Variants in RXYLT1 observed in about 807,000 individuals in gnomAD.
RXYLT1 encodes ribitol xylosyltransferase 1.
Under a neutral mutation model 43.5 loss-of-function variants are expected in RXYLT1, and 41 were observed. The ratio of observed to expected loss-of-function variants is 0.94; its 90% CI spans 0.73 to 1.22. RXYLT1 has a LOEUF of 1.22. RXYLT1 is among the 50% of genes most tolerant of loss of function. RXYLT1 has a pLI of 0.00. For synonymous variants in RXYLT1, 166 were observed against 194.4 expected (o/e 0.85, Z 1.21); for missense variants, 514 against 532.0 (o/e 0.97, Z 0.33).
intron 3 of RXYLT1, among the ~76,000 whole-genome samples, chr12:63,797,911 AG>A (rs1167841154): frequency 1.3e-5 from 2 of 152,174 alleles, no homozygotes; most frequent in Admixed American, 1.3e-4. Context: ...GTCGGAATTT[AG>A]GGATTAATTA....
chr12:63,807,253 A>G (rs1369631227), intron 5 of RXYLT1: 1 of 152,220 alleles, frequency 6.6e-6, no homozygotes, highest in Non-Finnish European at 1.5e-5. Flanking sequence ...ATAATTGCCT[A>G]TACCTTCAGC....
intron 4 of RXYLT1, 68 bp downstream of exon 4, chr12:63,802,473 T>C (rs1898185700): frequency 7.1e-7 from 1 of 1,416,496 alleles, no homozygotes; most frequent in Non-Finnish European, 9.5e-7. Context: ...GGAAGACTTA[T>C]TCAAAATTGT....
intron 4 of RXYLT1, 87 bp downstream of exon 4, chr12:63,802,492 T>C: frequency 7.5e-7 from 1 of 1,334,924 alleles, no homozygotes; most frequent in Non-Finnish European, 1.0e-6. Context: ...GTAATAAATT[T>C]AGTTCTTCTG....
rs1244738608 is a variant in RXYLT1, at chr12:63,809,391, T to C, written c.*299T>C. 8.1e-6 allele frequency: 2 copies of C among 245,708 alleles called. No homozygotes were observed. Among genetic ancestry groups the C allele is most frequent in the Non-Finnish European group, 1.6e-5 (2 of 128,922 alleles). 15.2% of individuals were successfully genotyped at this position (245,708 alleles called of 1,614,324 possible). ...GGTGATACTGGTGTAAACAAATCTA[T>C]TGCACTGCCAGTCAAGTAAAAGTAC... On this transcript the variant is annotated 3_prime_UTR_variant, in exon 6 of 6. Coordinates refer to ENST00000261234, the MANE Select transcript of RXYLT1 (RefSeq NM_014254.3).
intron 5 of RXYLT1, 110 bp downstream of exon 5, chr12:63,805,514 C>A: frequency 9.3e-7 from 1 of 1,072,506 alleles, no homozygotes; most frequent in Non-Finnish European, 1.3e-6. Context: ...TTGTACCAAT[C>A]TTTCCCCAGA....
At chr12:63,780,234 C>T (rs1897646562) in intron 1 of RXYLT1, 105 bp downstream of exon 1, 15 of 1,386,900 alleles carry the variant, frequency 1.1e-5, no homozygotes, top group Non-Finnish European at 1.4e-5. Flanking sequence ...CGGGATTACC[C>T]GCAGGGCCTG....
intron 3 of RXYLT1, chr12:63,795,644 C>T (rs1898015881): frequency 6.6e-6 from 1 of 151,430 alleles, no homozygotes; most frequent in African/African-American, 2.4e-5. Context: ...AACACCTTTC[C>T]TTAATGAGAG....
At chr12:63,788,194 A>G (rs1207121982) in intron 3 of RXYLT1, among the ~76,000 whole-genome samples, 1 of 152,078 alleles carries the variant, frequency 6.6e-6, no homozygotes, top group Admixed American at 6.6e-5. Context: ...GCTTTTTTCC[A>G]TTTATAGGGC....
At position 63,784,983 on chromosome 12, in the gene RXYLT1, G is replaced by C; in HGVS notation, c.339G>C (p.Trp113Cys). The C allele has an allele frequency of 6.2e-7, 1 of 1,613,668 alleles. No homozygotes were observed. The highest frequency in any genetic ancestry group is 8.5e-7 in the Non-Finnish European group (1 of 1,179,702). Residue 113 changes from tryptophan (W) to cysteine (C), a missense_variant, in exon 3 of 6, where the codon TGG becomes TGC. Coordinates refer to ENST00000261234, the MANE Select transcript of RXYLT1 (RefSeq NM_014254.3). ...GTTAATTACCAGGCTTGTATCTCTG[G>C]GAGCATATTTTTGAAGGCTTACTTG... is the stretch of plus-strand genomic sequence containing the variant. ...WGKAAIGLYL[W>C]EHIFEGLLDP...
chr12:63,805,267 G>A lies in RXYLT1; in HGVS notation c.777G>A (p.Trp259Ter). 1.9e-6 allele frequency: 3 copies of A among 1,608,360 alleles called. No homozygotes were observed. Among genetic ancestry groups the A allele is most frequent in the Non-Finnish European group, 2.5e-6 (3 of 1,178,446 alleles). ...YRNFPVVEAS[W>*]SMLHDERPYL... Reference sequence around the variant, plus strand: ...ATTTTCCTGTGGTGGAGGCAAGTTGGTCAATGCTGCATGATGAGAGGCCAT... The same window carrying A: ...ATTTTCCTGTGGTGGAGGCAAGTTGATCAATGCTGCATGATGAGAGGCCAT... Residue 259 changes from tryptophan to a stop codon, truncating the protein, a stop_gained, in exon 5 of 6, where the codon TGG becomes TGA. Coordinates refer to ENST00000261234, the MANE Select transcript of RXYLT1 (RefSeq NM_014254.3). LOFTEE classifies it high-confidence loss of function.
At chr12:63,800,466 G>A (rs1296028793) in intron 3 of RXYLT1, among the ~76,000 whole-genome samples, 1 of 152,090 alleles carries the variant, frequency 6.6e-6, no homozygotes, top group African/African-American at 2.4e-5. Flanking sequence ...TAGGATAAGA[G>A]TGACTAATTT....
At position 63,809,019 on chromosome 12, in the gene RXYLT1, A is replaced by G; in HGVS notation, c.1259A>G (p.His420Arg). 6.3e-7 allele frequency: 1 copy of G among 1,595,638 alleles called. No individual in the cohort carries two copies. Among genetic ancestry groups the G allele is most frequent in the Non-Finnish European group, 8.5e-7 (1 of 1,173,664 alleles). ...RRKMLLQWYQHFKTELKMKFT... is the reference protein window; with the variant it reads ...RRKMLLQWYQRFKTELKMKFT... ...AAAATGTTACTTCAGTGGTATCAGC[A>G]CTTCAAGACAGAGCTTAAAATGAAA... Residue 420 changes from histidine (H) to arginine (R), a missense_variant, in exon 6 of 6, where the codon CAC becomes CGC. Physicochemically the swap from His to Arg is conservative, Grantham distance 29. Transcript: ENST00000261234.
chr12:63,795,449 T>G (rs1328953460), intron 3 of RXYLT1: 3 of 151,704 alleles, frequency 2.0e-5, no homozygotes, highest in African/African-American at 7.3e-5. Flanking sequence ...AGAAAAACTT[T>G]GTGCGTGGCA....
At position 63,808,842 on chromosome 12, in the gene RXYLT1, A is replaced by G. The variant is rs1372960627; in HGVS notation, c.1082A>G (p.Asn361Ser). 3 of 1,614,146 alleles carry G rather than the reference A, an allele frequency of 1.9e-6. No individual in the cohort carries two copies. The East Asian group carries it at 6.7e-5, about 36-fold the overall frequency. The change falls in exon 6 of 6, where the codon AAC (asparagine) becomes AGC (serine). Residue 361 changes from asparagine (N) to serine (S), a missense_variant. Transcript: ENST00000261234. ...PVVEDVMTAG[N>S]CGNTSVHHGA... ...GTGGAAGACGTGATGACAGCTGGCA[A>G]CTGTGGGAATACATCTGTGCACCAC...
rs17099839 is a variant in RXYLT1, at chr12:63,808,453, G to T, written c.915-222G>T. 7.4e-6 allele frequency: 4 copies of T among 537,008 alleles called. No individual in the cohort carries two copies. The East Asian group carries it at 1.4e-4, about 18-fold the overall frequency. 33.3% of individuals were successfully genotyped at this position (537,008 alleles called of 1,614,324 possible). On this transcript the variant is annotated intron_variant, in intron 5 of 5. Coordinates refer to ENST00000261234, the MANE Select transcript of RXYLT1 (RefSeq NM_014254.3). ...TTATTATCCATTCAGAAGTGTTACG[G>T]TGACTCCTAGATTTTATAAATGTAC...
chr12:63,800,609 C>A (rs766212994), intron 3 of RXYLT1, among the ~76,000 whole-genome samples: 2 of 152,004 alleles, frequency 1.3e-5, no homozygotes, highest in Non-Finnish European at 2.9e-5. Context: ...TTAATGAAAA[C>A]TTTTTAAAAA....
intron 3 of RXYLT1, among the ~76,000 whole-genome samples, chr12:63,800,104 T>C (rs933513912): frequency 2.0e-5 from 3 of 152,242 alleles, no homozygotes; most frequent in African/African-American, 7.2e-5. Context: ...TTTTTACGTT[T>C]TGTGCTTTAA....
intron 3 of RXYLT1, among the ~76,000 whole-genome samples, chr12:63,792,896 T>C (rs959368191): frequency 2.6e-5 from 4 of 152,210 alleles, no homozygotes; most frequent in African/African-American, 9.6e-5. Context: ...TATAATTTCA[T>C]GTTGAATTCT....
chr12:63,786,970 T>C (rs1323332862), intron 3 of RXYLT1, among the ~76,000 whole-genome samples: 1 of 152,054 alleles, frequency 6.6e-6, no homozygotes, highest in Admixed American at 6.6e-5. Context: ...AAAAATTGGC[T>C]GCAAGTGGCA....
Sources: gnomAD v4.1 joint callset for allele counts (sites outside exome capture counted in the v4.1 genomes callset) on GRCh38, gnomAD v4.1.1 for gene constraint, MANE v1.5 for transcripts, NCBI Gene and HGNC (gene_info 2026-07-23, HGNC 2026-07-21) for gene names.